Variants in SUCLA2 observed in about 807,000 individuals in gnomAD.
SUCLA2 encodes succinate--CoA ligase [ADP-forming] subunit beta, mitochondrial.
A neutral mutation model predicts 54.8 loss-of-function variants in SUCLA2; 30 were observed. The ratio of observed to expected loss-of-function variants is 0.55; its 90% confidence interval spans 0.41 to 0.74. The LOEUF (loss-of-function observed/expected upper bound fraction) is 0.74, where lower values mean the gene tolerates loss of function less well. SUCLA2 is among the 30% of genes least tolerant of loss of function. The pLI is 0.00. For missense variants in SUCLA2, 476 were observed against 562.9 expected (o/e 0.85, Z 1.56); for synonymous variants, 172 against 188.9 (o/e 0.91, Z 0.74).
intron 2 of SUCLA2, among the ~76,000 whole-genome samples, chr13:47,994,567 C>CAA (rs777506622): frequency 2.9e-3 from 125 of 43,322 alleles, no homozygotes; most frequent in East Asian, 4.3e-3. Flanking sequence ...GACTCCGTCT[C>CAA]AAAAAAAAAA....
chr13:47,943,889 T>C (rs1767565764), intron 10 of SUCLA2, among the ~76,000 whole-genome samples: 2 of 151,898 alleles, frequency 1.3e-5, no homozygotes, highest in Admixed American at 6.6e-5. Flanking sequence ...GTATACAATC[T>C]TAACTTAAAA....
At chr13:47,973,583 G>A (rs1949985367) in intron 4 of SUCLA2, among the ~76,000 whole-genome samples, 191 bp from the exon 5 acceptor site, 1 of 151,776 alleles carries the variant, frequency 6.6e-6, no homozygotes, top group Admixed American at 6.6e-5. Flanking sequence ...TTAAAGCAAT[G>A]GATAAAAAAG....
intron 6 of SUCLA2, among the ~76,000 whole-genome samples, chr13:47,959,461 TGGAGGAGGAGGGGC>T (rs1271494184): frequency 1.3e-4 from 7 of 54,690 alleles, no homozygotes; most frequent in African/African-American, 1.5e-4. Context: ...GGAGGAGAGG[TGGAGGAGGAGGGGC>T]GGAGGAGGAG....
chr13:47,997,445 A>G (rs1566094163), intron 1 of SUCLA2, among the ~76,000 whole-genome samples: 1 of 152,176 alleles, frequency 6.6e-6, no homozygotes, highest in Non-Finnish European at 1.5e-5. Context: ...ATTTGATACC[A>G]TTACTCTTTC....
At chr13:47,959,001 G>A (rs1469697687) in intron 6 of SUCLA2, among the ~76,000 whole-genome samples, 1 of 152,062 alleles carries the variant, frequency 6.6e-6, no homozygotes, top group Non-Finnish European at 1.5e-5. Flanking sequence ...GTTAAGAAAG[G>A]GTTGTGATAT....
intron 4 of SUCLA2, among the ~76,000 whole-genome samples, chr13:47,976,087 A>C (rs1015462490): frequency 2.6e-5 from 4 of 152,048 alleles, no homozygotes; most frequent in African/African-American, 9.7e-5. Flanking sequence ...TCTCTACAAA[A>C]ATTTAAAATT....
intron 6 of SUCLA2, among the ~76,000 whole-genome samples, chr13:47,964,989 A>G (rs1949906268): frequency 6.7e-6 from 1 of 149,396 alleles, no homozygotes; most frequent in Admixed American, 6.6e-5. Context: ...TATTTAAAAA[A>G]AAAAAAAAAA....
intron 2 of SUCLA2, among the ~76,000 whole-genome samples, chr13:47,992,925 T>C (rs938880846): frequency 1.3e-5 from 2 of 152,114 alleles, no homozygotes; most frequent in South Asian, 4.1e-4. Context: ...ATAGGGAAAT[T>C]ATAAAAATTC....
In SUCLA2 at chr13:47,997,001, A is replaced by C; in HGVS notation, c.113T>G (p.Phe38Cys). ...AAQVLGSSGLFNNHGLQVQQQ... is the reference protein window; with the variant it reads ...AAQVLGSSGLCNNHGLQVQQQ... ...CTGTACTTGGAGTCCATGGTTATTA[A>C]ACAATCCAGAACTTCCCAGAACCTA... The change falls in exon 2 of 11, where the codon TTT becomes TGT. Residue 38 changes from phenylalanine to cysteine, a missense_variant. By Grantham distance (205) the Phe-to-Cys change is radical. Transcript: ENST00000646932. 6.2e-7 allele frequency: 1 copy of C among 1,614,064 alleles called. No individual in the cohort carries two copies. The highest frequency in any genetic ancestry group is 8.5e-7 in the Non-Finnish European group (1 of 1,180,008).
At chr13:47,964,856 CA>C (rs553823216) in intron 6 of SUCLA2, among the ~76,000 whole-genome samples, 8 of 145,632 alleles carry the variant, frequency 5.5e-5, no homozygotes, top group Non-Finnish European at 3.0e-5. Flanking sequence ...GACCCCGTCT[CA>C]AAAAAAAAAT....
At chr13:47,944,820 A>G (rs2137681570) in intron 10 of SUCLA2, among the ~76,000 whole-genome samples, 1 of 152,300 alleles carries the variant, frequency 6.6e-6, no homozygotes, top group East Asian at 1.9e-4. Flanking sequence ...CATCACATTA[A>G]CTCGGTAAAT....
chr13:47,962,840 G>A (rs1016767374), intron 6 of SUCLA2, among the ~76,000 whole-genome samples: 3 of 143,660 alleles, frequency 2.1e-5, no homozygotes, highest in African/African-American at 5.1e-5. Flanking sequence ...GACCTTTCTG[G>A]TCTTAAAGCT....
At chr13:47,966,632 T>G (rs890036563) in intron 6 of SUCLA2, among the ~76,000 whole-genome samples, 1 of 151,862 alleles carries the variant, frequency 6.6e-6, no homozygotes, top group Non-Finnish European at 1.5e-5. Flanking sequence ...CTACATTCCT[T>G]GCAGTTGTTC....
At chr13:47,975,951 ATCAGTGATAC>A (rs1950008560) in intron 4 of SUCLA2, among the ~76,000 whole-genome samples, 1 of 152,200 alleles carries the variant, frequency 6.6e-6, no homozygotes, top group African/African-American at 2.4e-5. Context: ...CAATGATTCA[ATCAGTGATAC>A]CCAGGCTGGG....
At chr13:48,001,046 C>T in intron 1 of SUCLA2, 134 bp downstream of exon 1, 2 of 1,499,762 alleles carry the variant, frequency 1.3e-6, no homozygotes, top group Non-Finnish European at 1.8e-6. Context: ...CCAGGCAAGT[C>T]GCCCGAGGGC....
At chr13:47,986,047 T>TTG (rs1476657008) in intron 4 of SUCLA2, among the ~76,000 whole-genome samples, 1 of 146,076 alleles carries the variant, frequency 6.8e-6, no homozygotes, top group Non-Finnish European at 1.5e-5. Flanking sequence ...TTTTTTTTTT[T>TTG]TGAAACGGAT....
At chr13:47,981,090 T>C (rs1360349532) in intron 4 of SUCLA2, among the ~76,000 whole-genome samples, 6 of 152,058 alleles carry the variant, frequency 3.9e-5, no homozygotes, top group Non-Finnish European at 5.9e-5. Context: ...AAAGCAAAAA[T>C]TGACAAATGG....
At chr13:47,988,315 T>C (rs1273581111) in intron 4 of SUCLA2, 1 of 546,938 alleles carries the variant, frequency 1.8e-6, no homozygotes, top group East Asian at 3.0e-5. Flanking sequence ...TGAAATTTAT[T>C]ACAGCAGAAT....
chr13:47,969,413 A>C (rs1949944331), intron 5 of SUCLA2, among the ~76,000 whole-genome samples: 2 of 152,224 alleles, frequency 1.3e-5, no homozygotes, highest in Non-Finnish European at 2.9e-5. Flanking sequence ...GCTAGGCCCA[A>C]AAGATAAAGA....
Sources: gnomAD v4.1 joint callset for allele counts (sites outside exome capture counted in the v4.1 genomes callset) on GRCh38, gnomAD v4.1.1 for gene constraint, MANE v1.5 for transcripts, NCBI Gene and HGNC (gene_info 2026-07-23, HGNC 2026-07-21) for gene names.